Variants in EIF2S3B observed in about 807,000 individuals in gnomAD.
EIF2S3B encodes eukaryotic translation initiation factor 2 subunit gamma B, also known as eukaryotic translation initiation factor 2 subunit 3B.
A neutral mutation model predicts 26.4 loss-of-function variants in EIF2S3B; 16 were observed. That is an observed-to-expected ratio of 0.61 (90% confidence interval 0.41 to 0.92). EIF2S3B has a LOEUF of 0.92. Among genes scored for constraint, EIF2S3B ranks in the 40% least tolerant of loss-of-function variants. The probability of loss-of-function intolerance (pLI) is 0.00; values close to 1 mark genes in which losing one functional copy is unlikely to be tolerated. For synonymous variants in EIF2S3B, 183 were observed against 204.4 expected, an observed-to-expected ratio of 0.90 and a Z score of 0.89; for missense variants, 510 against 575.5, an observed-to-expected ratio of 0.89 and a Z score of 1.16.
Position 10,507,088 on chromosome 12 carries a change from CA to C in EIF2S3B, c.1190del (p.Lys397SerfsTer10), listed in dbSNP as rs751695598. ...AGGAGACAAGAAAGCAGCAAAGGTT[CA>C]AAAGCTGTCTAAGAATGAAGTGCTC... is the stretch of plus-strand genomic sequence containing the variant. ...TEGDKKAAKV[Q>X]KLSKNEVLMV... is the part of the protein sequence containing the mutation. On this transcript the variant is annotated frameshift_variant, in exon 1 of 1. Transcript: ENST00000538173. LOFTEE classifies it high-confidence loss of function. 1.2e-6 allele frequency: 2 copies of C among 1,613,750 alleles called. No homozygotes were observed. The highest frequency in any genetic ancestry group is 4.5e-5 in the East Asian group (2 of 44,882).
chr12:10,506,047 C>G lies in EIF2S3B; in HGVS notation c.145C>G (p.His49Asp). The G allele has an allele frequency of 6.2e-7, 1 of 1,603,050 alleles. No homozygotes were observed. The highest frequency in any genetic ancestry group is 8.5e-7 in the Non-Finnish European group (1 of 1,169,890). The change falls in exon 1 of 1, where the codon CAT becomes GAT. Residue 49 changes from histidine to aspartate, a missense_variant. Physicochemically the swap from His to Asp is moderately conservative, Grantham distance 81 (BLOSUM62 -1). Coordinates refer to ENST00000538173, the MANE Select transcript of EIF2S3B (RefSeq NM_001357734.3). ...CACAATTAATATAGGTACAATTGGT[C>G]ATGTAGCTCATGGGAAATCCACAGT... is the stretch of plus-strand genomic sequence containing the variant. ...QATINIGTIG[H>D]VAHGKSTVVK...
Position 10,507,694 on chromosome 12 carries a change from G to A in EIF2S3B, c.*373G>A. Among the ~76,000 whole-genome samples, 1 of 152,166 alleles carries A rather than the reference G, an allele frequency of 6.6e-6. No homozygotes were observed. Among genetic ancestry groups the A allele is most frequent in the East Asian group, 1.9e-4 (1 of 5,196 alleles). On this transcript the variant is annotated 3_prime_UTR_variant, in exon 1 of 1. Coordinates refer to ENST00000538173, the MANE Select transcript of EIF2S3B (RefSeq NM_001357734.3). The stretch of plus-strand genomic sequence containing the variant: ...TGCAATCTCTGCCTCCCAGGTTCAA[G>A]CGATTCTCCTGCCTCAGCCCCCCAA...
intron 1 of EIF2S3B, among the ~76,000 whole-genome samples, chr12:10,519,530 G>C (rs1480499291): frequency 1.9e-4 from 29 of 152,052 alleles, no homozygotes; most frequent in Admixed American, 1.8e-3. Context: ...AAACTAAAGA[G>C]CTTCTGTACA....
rs1864843978 is a variant in EIF2S3B at position 10,522,540 on chromosome 12, G to A, written c.1309-63G>A. The A allele has an allele frequency of 4.8e-6, 3 of 619,234 alleles. No homozygotes were observed. In the Admixed American group the frequency reaches 7.6e-5, roughly 16 times the overall value. 38.4% of individuals were successfully genotyped at this position (619,234 alleles called of 1,614,324 possible). A position where few individuals can be genotyped will look rare whatever the true frequency, so the allele number is the denominator to read the frequency against. On this transcript the variant is annotated intron_variant, in intron 1 of 1. Coordinates refer to the EIF2S3B transcript ENST00000322446. ...ATTAGTCTTTCCTTATACCTAAATA[G>A]ATTTGAGTTATTGCAGTTTCCATAT...
chr12:10,518,592 C>T (rs1381129106), intron 1 of EIF2S3B, among the ~76,000 whole-genome samples: 1 of 151,980 alleles, frequency 6.6e-6, no homozygotes, highest in Non-Finnish European at 1.5e-5. Flanking sequence ...AGCATTTAGC[C>T]CATTTACATT....
In EIF2S3B at chr12:10,506,343, C is replaced by A; in HGVS notation, c.441C>A (p.Asn147Lys). ...GHDILMATMLNGAAVMDAALL... is the reference protein window; with the variant it reads ...GHDILMATMLKGAAVMDAALL... ...ATATTTTGATGGCTACTATGCTGAA[C>A]GGTGCAGCAGTGATGGATGCAGCTC... Residue 147 changes from asparagine to lysine, a missense_variant, in exon 1 of 1, where the codon AAC becomes AAA. By Grantham distance (94) the Asn-to-Lys change is moderately conservative (BLOSUM62 0). Transcript: ENST00000538173. 2 of 1,613,844 alleles carry A rather than the reference C, an allele frequency of 1.2e-6. No homozygotes were observed. The highest frequency in any genetic ancestry group is 1.7e-6 in the Non-Finnish European group (2 of 1,179,908).
intron 1 of EIF2S3B, among the ~76,000 whole-genome samples, chr12:10,514,076 T>C (rs1427731743): frequency 6.6e-6 from 1 of 152,086 alleles, no homozygotes; most frequent in East Asian, 1.9e-4. Context: ...TTTCAATGCT[T>C]GGTAAATTTT....
At chr12:10,519,563 T>C (rs1229772412) in intron 1 of EIF2S3B, among the ~76,000 whole-genome samples, 1 of 151,822 alleles carries the variant, frequency 6.6e-6, no homozygotes, top group African/African-American at 2.4e-5. Context: ...ACCATCAGAG[T>C]GAACAGGCAA....
chr12:10,522,687 A>G (rs1336302941), exon 2 of EIF2S3B: 2 of 692,356 alleles, frequency 2.9e-6, no homozygotes, highest in South Asian at 3.0e-5. Context: ...GTCTGCAGCA[A>G]ACTTCTAGGA....
chr12:10,507,310 G>C lies in EIF2S3B; in HGVS notation c.1408G>C (p.Asp470His). 6.2e-7 allele frequency: 1 copy of C among 1,613,130 alleles called. No individual in the cohort carries two copies. Among genetic ancestry groups the C allele is most frequent in the Non-Finnish European group, 8.5e-7 (1 of 1,179,046 alleles). Residue 470 changes from aspartate to histidine, a missense_variant, in exon 1 of 1, where the codon GAT becomes CAT. By Grantham distance (81) the Asp-to-His change is moderately conservative (BLOSUM62 -1). Coordinates refer to ENST00000538173, the MANE Select transcript of EIF2S3B (RefSeq NM_001357734.3). ...AGGAGTGACAATCAAGCCAACAGTA[G>C]ATGATGACTGAAGAATACCGGTTAA... ...RRGVTIKPTV[D>H]DD is the part of the protein sequence containing the mutation.
At chr12:10,518,931 G>A (rs1333848870) in intron 1 of EIF2S3B, among the ~76,000 whole-genome samples, 1 of 152,086 alleles carries the variant, frequency 6.6e-6, no homozygotes, top group African/African-American at 2.4e-5. Context: ...TGGCCATACT[G>A]CCCAAGGTAA....
At chr12:10,513,106 G>A (rs1278914740), downstream of EIF2S3B, among the ~76,000 whole-genome samples, 4 of 152,016 alleles carry the variant, frequency 2.6e-5, no homozygotes, top group African/African-American at 7.3e-5. Flanking sequence ...CTATCATACC[G>A]AATCCTATGT....
downstream of EIF2S3B, among the ~76,000 whole-genome samples, chr12:10,508,525 CAAAAAAAAA>C: frequency 9.2e-3 from 582 of 63,040 alleles, 4 homozygotes; most frequent in African/African-American, 0.027. Flanking sequence ...TGTTAGAAAG[CAAAAAAAAA>C]AAAAAAAAAA....
chr12:10,515,521 C>T (rs775075280), intron 1 of EIF2S3B, among the ~76,000 whole-genome samples: 9 of 151,860 alleles, frequency 5.9e-5, no homozygotes, highest in Non-Finnish European at 1.2e-4. Context: ...TGAAATATAT[C>T]AAAACTGGTA....
chr12:10,513,351 T>C (rs1864723251), downstream of EIF2S3B, among the ~76,000 whole-genome samples: 1 of 152,176 alleles, frequency 6.6e-6, no homozygotes, highest in African/African-American at 2.4e-5. Flanking sequence ...AACTAGTGGC[T>C]ATCAGGCATA....
At position 10,514,924 on chromosome 12, in the gene EIF2S3B, G is replaced by A. The variant is rs149993492; in HGVS notation, c.1309-7679G>A. Among the ~76,000 whole-genome samples the A allele has an allele frequency of 6.4e-3, 970 of 152,110 alleles. 10 individuals carry two copies. Among genetic ancestry groups the A allele is most frequent in the African/African-American group, 0.022 (913 of 41,510 alleles). ...CTCTCTAAAATCCATATCTGCTCAT[G>A]TAACATGAGTCATATTGGTCCTTCA... On this transcript the variant is annotated intron_variant, in intron 1 of 1. Transcript: ENST00000322446.
chr12:10,519,586 G>A (rs1426421907), intron 1 of EIF2S3B, among the ~76,000 whole-genome samples: 2 of 152,032 alleles, frequency 1.3e-5, no homozygotes, highest in African/African-American at 4.8e-5. Context: ...TACAAAATGG[G>A]AGAAAATTTT....
chr12:10,512,109 A>G (rs561647154), downstream of EIF2S3B, among the ~76,000 whole-genome samples: 1 of 152,230 alleles, frequency 6.6e-6, no homozygotes, highest in African/African-American at 2.4e-5. Context: ...GACAAATGAA[A>G]GACATCTGGT....
Position 10,507,138 on chromosome 12 carries a change from G to A in EIF2S3B, c.1236G>A (p.Ser412=), listed in dbSNP as rs752230909. The A allele has an allele frequency of 5.5e-5, 89 of 1,613,680 alleles. No homozygotes were observed. In the Admixed American group the frequency reaches 6.7e-4, roughly 12 times the overall value. The part of the protein sequence containing the change: ...EVLMVNIGSL[S]TGGRVSAVKA... ...TCATGGTGAACATAGGATCCCTGTCGACAGGAGGGAGAGTTAGTGCTGTCA... is the reference window on the plus strand; with the variant it reads ...TCATGGTGAACATAGGATCCCTGTCAACAGGAGGGAGAGTTAGTGCTGTCA... Residue 412 remains serine (S), a synonymous_variant, in exon 1 of 1, where the codon TCG becomes TCA. Transcript: ENST00000538173.
Sources: allele counts gnomAD v4.1 joint callset (sites outside exome capture counted in the v4.1 genomes callset), GRCh38; gene constraint gnomAD v4.1.1; transcripts MANE v1.5; gene names NCBI Gene and HGNC (gene_info 2026-07-23, HGNC 2026-07-21).